The following GAD2 variants were observed in gnomAD, a reference collection of about 807,000 sequenced individuals.
GAD2 encodes glutamate decarboxylase 2.
A neutral mutation model predicts 80.1 loss-of-function variants in GAD2; 22 were observed. The observed-to-expected ratio is 0.27, with a 90% CI of 0.20 to 0.39. GAD2 has a LOEUF of 0.39. Among genes scored for constraint, GAD2 ranks in the 10% least tolerant of loss-of-function variants. The pLI, the probability that GAD2 is intolerant of heterozygous loss-of-function variation, is 1.00. For missense variants in GAD2, 624 were observed against 738.4 expected, an observed-to-expected ratio of 0.85 and a Z score of 1.80; for synonymous variants, 274 against 256.9, an observed-to-expected ratio of 1.07 and a Z score of -0.64.
At chr10:26,259,005 ACAGGGTTTCAC>A (rs1401362998) in intron 8 of GAD2, among the ~76,000 whole-genome samples, 1 of 152,082 alleles carries the variant, frequency 6.6e-6, no homozygotes, top group African/African-American at 2.4e-5. Flanking sequence ...TTTAGTAGAG[ACAGGGTTTCAC>A]CATATTGGTC....
chr10:26,288,354 A>G (rs1267471498), intron 13 of GAD2, among the ~76,000 whole-genome samples: 1 of 152,220 alleles, frequency 6.6e-6, no homozygotes, highest in East Asian at 1.9e-4. Flanking sequence ...GAAGCTAAAT[A>G]TCAGGAGCTT....
chr10:26,257,372 G>A (rs1844956810), intron 8 of GAD2, among the ~76,000 whole-genome samples: 2 of 152,178 alleles, frequency 1.3e-5, no homozygotes, highest in South Asian at 4.1e-4. Context: ...GCGAGATTCC[G>A]TCTCAAGAAA....
intron 12 of GAD2, among the ~76,000 whole-genome samples, chr10:26,284,595 G>T (rs1366189359): frequency 1.4e-5 from 2 of 141,962 alleles, no homozygotes; most frequent in Non-Finnish European, 3.0e-5. Context: ...TTTGAGACGG[G>T]GTCTCTTTCT....
intron 7 of GAD2, among the ~76,000 whole-genome samples, chr10:26,240,824 C>T (rs1844732720): frequency 6.6e-6 from 1 of 151,724 alleles, no homozygotes; most frequent in Non-Finnish European, 1.5e-5. Context: ...ATCACGAGGT[C>T]AGGAGATCGA....
chr10:26,223,824 GT>G (rs1844484784), intron 4 of GAD2, 62 bp from the exon 5 acceptor site: 1 of 1,037,726 alleles, frequency 9.6e-7, no homozygotes, highest in African/African-American at 1.6e-5. Flanking sequence ...GAGAAATCAT[GT>G]GTTTGAGAGG....
chr10:26,243,303 C>T (rs1157845982), intron 7 of GAD2, among the ~76,000 whole-genome samples: 2 of 152,058 alleles, frequency 1.3e-5, no homozygotes, highest in East Asian at 3.9e-4. Flanking sequence ...TTAGACATAC[C>T]CCCTAAAAAT....
At chr10:26,286,582 C>A in intron 13 of GAD2, 88 bp downstream of exon 13, 1 of 1,318,800 alleles carries the variant, frequency 7.6e-7, no homozygotes, top group East Asian at 2.8e-5. Context: ...AAGTGATTTC[C>A]AAATTGAAAT....
chr10:26,291,675 G>A (rs1834215283), intron 13 of GAD2, among the ~76,000 whole-genome samples: 1 of 152,122 alleles, frequency 6.6e-6, no homozygotes. Flanking sequence ...TTACTCTTAA[G>A]CTTTCTCCAT....
At chr10:26,261,626 C>T (rs1265846236) in intron 8 of GAD2, among the ~76,000 whole-genome samples, 1 of 152,024 alleles carries the variant, frequency 6.6e-6, no homozygotes, top group African/African-American at 2.4e-5. Flanking sequence ...ATGTTCTTGT[C>T]CCAAATTTAA....
intron 8 of GAD2, among the ~76,000 whole-genome samples, chr10:26,252,040 C>T (rs2132292441): frequency 6.6e-6 from 1 of 152,270 alleles, no homozygotes; most frequent in African/African-American, 2.4e-5. Context: ...GTTCAGAACA[C>T]CACGTAAGGC....
intron 12 of GAD2, among the ~76,000 whole-genome samples, chr10:26,285,256 C>T (rs1057261621): frequency 5.9e-5 from 9 of 152,186 alleles, no homozygotes; most frequent in African/African-American, 2.2e-4. Context: ...AGCACTCCGT[C>T]TTTCAAAACC....
chr10:26,261,976 G>A (rs1001243047), intron 8 of GAD2, among the ~76,000 whole-genome samples: 14 of 152,222 alleles, frequency 9.2e-5, no homozygotes, highest in Non-Finnish European at 1.9e-4. Flanking sequence ...GATGCAATGC[G>A]AATCTTGAAT....
intron 8 of GAD2, among the ~76,000 whole-genome samples, chr10:26,253,743 T>C (rs1052796911): frequency 1.3e-5 from 2 of 152,196 alleles, no homozygotes; most frequent in African/African-American, 2.4e-5. Flanking sequence ...AGCACCATGA[T>C]AGAGAAAGTA....
intron 7 of GAD2, among the ~76,000 whole-genome samples, chr10:26,243,043 C>T (rs565036286): frequency 5.9e-4 from 71 of 121,302 alleles, no homozygotes; most frequent in African/African-American, 3.5e-3. Context: ...GCACAAAAAA[C>T]CCCCCCCCTT....
At chr10:26,244,130 A>G (rs1844776998) in intron 7 of GAD2, among the ~76,000 whole-genome samples, 1 of 152,254 alleles carries the variant, frequency 6.6e-6, no homozygotes, top group Non-Finnish European at 1.5e-5. Flanking sequence ...GCTAAGCACA[A>G]GATGTTCAAC....
chr10:26,286,512 A>G lies in GAD2; in HGVS notation c.1386+18A>G. The G allele has an allele frequency of 6.3e-7, 1 of 1,583,070 alleles. No homozygotes were observed. The highest frequency in any genetic ancestry group is 2.3e-5 in the East Asian group (1 of 43,916). On this transcript the variant is annotated intron_variant, in intron 13 of 15. Coordinates refer to ENST00000376261, the MANE Select transcript of GAD2 (RefSeq NM_001134366.2). ...GGGCAAAGGTGAGTATGTATGGACCAGCTAAATGTCAACTAAAAACAGAAC... is the reference window on the plus strand; with the variant it reads ...GGGCAAAGGTGAGTATGTATGGACCGGCTAAATGTCAACTAAAAACAGAAC...
chr10:26,242,208 G>T (rs567864600), intron 7 of GAD2, among the ~76,000 whole-genome samples: 6 of 150,074 alleles, frequency 4.0e-5, no homozygotes, highest in Non-Finnish European at 7.4e-5. Flanking sequence ...GGATGGTCTC[G>T]ATCTCCTGAC....
intron 13 of GAD2, among the ~76,000 whole-genome samples, chr10:26,290,276 A>C (rs536868146): frequency 1.3e-5 from 2 of 152,368 alleles, no homozygotes; most frequent in East Asian, 3.9e-4. Flanking sequence ...ACAGAAATCC[A>C]TCATAAAAGA....
chr10:26,233,479 A>G (rs1844631814), intron 7 of GAD2, among the ~76,000 whole-genome samples: 2 of 152,130 alleles, frequency 1.3e-5, no homozygotes, highest in South Asian at 4.1e-4. Context: ...GACCCTAACC[A>G]TCCTGGACAG....
Sources: allele counts gnomAD v4.1 joint callset (sites outside exome capture counted in the v4.1 genomes callset), GRCh38; gene constraint gnomAD v4.1.1; transcripts MANE v1.5; gene names NCBI Gene and HGNC (gene_info 2026-07-23, HGNC 2026-07-21).